ZBTB20: variants seen among roughly 807,000 people sequenced by gnomAD.
ZBTB20 encodes the protein zinc finger and BTB domain-containing protein 20.
ZBTB20 carries 9 observed loss-of-function variants against 56.9 expected under a neutral mutation model. The observed-to-expected ratio is 0.16, with a 90% CI of 0.10 to 0.28. The LOEUF is 0.28. Ranked by LOEUF, ZBTB20 falls within the 10% of genes least tolerant of loss-of-function variation. ZBTB20 has a pLI of 1.00. For synonymous variants in ZBTB20, 417 were observed against 420.7 expected, an observed-to-expected ratio of 0.99 and a Z score of 0.11; for missense variants, 655 against 1,003.0, an observed-to-expected ratio of 0.65 and a Z score of 4.69.
At chr3:114,713,174 A>G (rs962845394) in intron 5 of ZBTB20, among the ~76,000 whole-genome samples, 2 of 151,874 alleles carry the variant, frequency 1.3e-5, no homozygotes, top group African/African-American at 2.4e-5. Flanking sequence ...TCGTATGCTT[A>G]TATTGATTTT....
chr3:114,448,060 C>T (rs1298946513), intron 7 of ZBTB20, among the ~76,000 whole-genome samples: 1 of 152,108 alleles, frequency 6.6e-6, no homozygotes, highest in Non-Finnish European at 1.5e-5. Context: ...CTCTAGCTGG[C>T]AGGTTGGGCA....
rs148510646 is a variant in ZBTB20 at position 114,420,799 on chromosome 3, G to A, written c.-254-31694C>T. On this transcript the variant is annotated intron_variant, in intron 7 of 11. Coordinates refer to ENST00000675478, the MANE Select transcript of ZBTB20 (RefSeq NM_001348800.3). ...TCTTCCTCTCAGTTCTGGCCTTTAT[G>A]AGGTGGAAGTCACTATTAGACTCTA... Among the ~76,000 whole-genome samples, 994 of 152,244 alleles carry A rather than the reference G, an allele frequency of 6.5e-3. 9 individuals are homozygous for A. Among genetic ancestry groups the A allele is most frequent in the Non-Finnish European group, 7.2e-3 (489 of 68,010 alleles).
At chr3:114,471,121 C>G (rs1022007141) in intron 7 of ZBTB20, among the ~76,000 whole-genome samples, 2 of 152,144 alleles carry the variant, frequency 1.3e-5, no homozygotes, top group Non-Finnish European at 2.9e-5. Flanking sequence ...ATACAACACT[C>G]AAGAAAGGTT....
At chr3:114,863,952 A>C (rs1326939176) in intron 4 of ZBTB20, among the ~76,000 whole-genome samples, 1 of 152,086 alleles carries the variant, frequency 6.6e-6, no homozygotes, top group Non-Finnish European at 1.5e-5. Flanking sequence ...ATGAAACTGA[A>C]ACGTATCTTT....
At chr3:114,868,624 G>C (rs1261459473) in intron 4 of ZBTB20, among the ~76,000 whole-genome samples, 1 of 152,038 alleles carries the variant, frequency 6.6e-6, no homozygotes, top group Non-Finnish European at 1.5e-5. Context: ...AATATACAAA[G>C]AAATGCAAAT....
intron 5 of ZBTB20, among the ~76,000 whole-genome samples, chr3:114,724,817 G>A (rs1355597954): frequency 2.0e-5 from 3 of 152,074 alleles, no homozygotes; most frequent in Non-Finnish European, 4.4e-5. Flanking sequence ...TGGAAGATTT[G>A]ATTTGCCAAA....
intron 1 of ZBTB20, among the ~76,000 whole-genome samples, chr3:115,075,662 G>A (rs1320254549): frequency 6.6e-6 from 1 of 152,080 alleles, no homozygotes; most frequent in Non-Finnish European, 1.5e-5. Flanking sequence ...TATATGAAAA[G>A]GCTACATATC....
chr3:114,942,258 T>C (rs2076745579), intron 3 of ZBTB20, among the ~76,000 whole-genome samples: 1 of 146,062 alleles, frequency 6.8e-6, no homozygotes, highest in Admixed American at 6.6e-5. Flanking sequence ...CTGTCTTTTA[T>C]AAATAATGTT....
intron 4 of ZBTB20, among the ~76,000 whole-genome samples, chr3:114,817,561 AAATATCTC>A (rs1236903368): frequency 2.7e-5 from 4 of 150,844 alleles, no homozygotes; most frequent in Non-Finnish European, 4.4e-5. Context: ...ATAAATAAAT[AAATATCTC>A]TCTATATATA....
intron 2 of ZBTB20, among the ~76,000 whole-genome samples, chr3:115,040,485 G>A (rs1300103416): frequency 1.3e-5 from 2 of 152,018 alleles, no homozygotes; most frequent in Non-Finnish European, 2.9e-5. Flanking sequence ...AGATAGCAAG[G>A]GAATGGAATG....
At chr3:114,601,165 C>T (rs1391596268) in intron 6 of ZBTB20, among the ~76,000 whole-genome samples, 3 of 151,986 alleles carry the variant, frequency 2.0e-5, no homozygotes, top group Non-Finnish European at 4.4e-5. Flanking sequence ...AAGTAAGAGC[C>T]GACCTCAGCA....
At chr3:114,831,687 T>G (rs2073852258) in intron 4 of ZBTB20, among the ~76,000 whole-genome samples, 1 of 152,036 alleles carries the variant, frequency 6.6e-6, no homozygotes, top group Non-Finnish European at 1.5e-5. Context: ...CCTATATCAT[T>G]GTATGAGATT....
chr3:115,071,976 G>C (rs2082426366), intron 1 of ZBTB20, among the ~76,000 whole-genome samples: 1 of 152,152 alleles, frequency 6.6e-6, no homozygotes, highest in Non-Finnish European at 1.5e-5. Flanking sequence ...CTTCCAAAGA[G>C]AATGGAAGGG....
intron 1 of ZBTB20, among the ~76,000 whole-genome samples, chr3:115,127,327 C>G (rs1398792275): frequency 6.6e-6 from 1 of 152,192 alleles, no homozygotes; most frequent in African/African-American, 2.4e-5. Context: ...TGGTAGCTCA[C>G]ATTTGTAATC....
At chr3:114,559,138 A>G (rs2051663534) in intron 6 of ZBTB20, among the ~76,000 whole-genome samples, 1 of 152,180 alleles carries the variant, frequency 6.6e-6, no homozygotes, top group Non-Finnish European at 1.5e-5. Context: ...TTGTATTTCC[A>G]GTGTCTGGAA....
chr3:114,855,892 CAG>C (rs1283849112), intron 4 of ZBTB20, among the ~76,000 whole-genome samples: 1 of 152,176 alleles, frequency 6.6e-6, no homozygotes, highest in African/African-American at 2.4e-5. Flanking sequence ...ACAACAACAA[CAG>C]AAAAATAGCA....
intron 5 of ZBTB20, among the ~76,000 whole-genome samples, chr3:114,790,900 G>A (rs966632648): frequency 6.6e-6 from 1 of 151,860 alleles, no homozygotes; most frequent in African/African-American, 2.4e-5. Flanking sequence ...TCCAATGCAT[G>A]ATCAGTATTT....
At chr3:114,974,854 C>T (rs1247971190) in intron 2 of ZBTB20, among the ~76,000 whole-genome samples, 1 of 152,090 alleles carries the variant, frequency 6.6e-6, no homozygotes, top group Admixed American at 6.6e-5. Flanking sequence ...AGATAAAACA[C>T]AAGCCCTATT....
chr3:114,583,939 C>T (rs942183865), intron 6 of ZBTB20, among the ~76,000 whole-genome samples: 6 of 152,146 alleles, frequency 3.9e-5, no homozygotes, highest in Non-Finnish European at 7.4e-5. Flanking sequence ...AATCCTATTG[C>T]GCATCTTGGT....
Sources: gnomAD v4.1 joint callset for allele counts (sites outside exome capture counted in the v4.1 genomes callset) on GRCh38, gnomAD v4.1.1 for gene constraint, MANE v1.5 for transcripts, NCBI Gene and HGNC (gene_info 2026-07-23, HGNC 2026-07-21) for gene names.